Variants in ABCA9 observed in about 807,000 individuals in gnomAD.
ABCA9 encodes the protein ATP binding cassette subfamily A member 9, also known as ATP-binding cassette sub-family A member 9.
ABCA9 carries 183 observed loss-of-function variants against 205.3 expected under a neutral mutation model. The observed-to-expected ratio is 0.89, with a 90% CI of 0.79 to 1.01. The LOEUF (loss-of-function observed/expected upper bound fraction) is 1.01, where lower values mean the gene tolerates loss of function less well. ABCA9 is among the 50% of genes least tolerant of loss of function. ABCA9 has a pLI of 0.00. For missense variants in ABCA9, 1,805 were observed against 1,912.4 expected (o/e 0.94, Z 1.05); for synonymous variants, 651 against 683.3 (o/e 0.95, Z 0.74).
Position 69,018,537 on chromosome 17 carries a change from T to G in ABCA9, c.2643A>C (p.Glu881Asp). ...FGISFIPQLL[E>D]HLFYESYQKS... ...TCTGATATGACTCGTAGAATAGATG[T>G]TCCAAAAGTTGAGGGATAAAGCTAA... The change falls in exon 20 of 39, where the codon GAA (glutamate) becomes GAC (aspartate). Residue 881 changes from glutamate (E) to aspartate (D), a missense_variant. Glu to Asp is a conservative substitution (Grantham distance 45, BLOSUM62 2). Transcript: ENST00000340001. 1 of 1,603,602 alleles carries G rather than the reference T, an allele frequency of 6.2e-7. No individual in the cohort carries two copies. Among genetic ancestry groups the G allele is most frequent in the Non-Finnish European group, 8.5e-7 (1 of 1,176,352 alleles).
chr17:69,032,128 G>A lies in ABCA9; in HGVS notation c.1425C>T (p.Phe475=). The change falls in exon 10 of 39, where the codon TTC becomes TTT. Residue 475 remains phenylalanine, a synonymous_variant. Coordinates refer to ENST00000340001, the MANE Select transcript of ABCA9 (RefSeq NM_080283.4). ...GTTACCTGATGGCTTCTTTCCCACA[G>A]AATTCTGGAGACACTGGTTCAAAAC... ...NDCFEPVSPE[F]CGKEAIRIKN... 6.2e-7 allele frequency: 1 copy of A among 1,611,242 alleles called. No homozygotes were observed. The highest frequency in any genetic ancestry group is 2.2e-5 in the East Asian group (1 of 44,854).
chr17:69,021,783 A>C lies in ABCA9; in HGVS notation c.2360T>G (p.Val787Gly). Residue 787 changes from valine (V) to glycine (G), a missense_variant, in exon 18 of 39, where the codon GTG (valine) becomes GGG (glycine). Physicochemically the swap from Val to Gly is moderately radical, Grantham distance 109. Transcript: ENST00000340001. The part of the protein sequence containing the change: ...YGVSITTLNE[V>G]FLKLEGKSTI... The stretch of plus-strand genomic sequence containing the variant: ...TGATTTTCCTTCTAATTTCAGAAAC[A>C]CCTCATTCAAAGTTGTTATGGAAAC... 6.3e-7 allele frequency: 1 copy of C among 1,594,292 alleles called. No individual in the cohort carries two copies. The highest frequency in any genetic ancestry group is 1.1e-5 in the South Asian group (1 of 88,120).
Position 68,975,691 on chromosome 17 carries a change from G to T in ABCA9, c.*224C>A. 1 of 428,160 alleles carries T rather than the reference G, an allele frequency of 2.3e-6. No homozygotes were observed. The highest frequency in any genetic ancestry group is 4.2e-6 in the Non-Finnish European group (1 of 238,262). The allele number at this position is 428,160 out of a possible 1,614,324, so 26.5% of individuals were successfully genotyped here. ...TAACACAGTAGGAAACATGGGATTT[G>T]GTTGCTGGCACAAAGGCTGCATGGT... On this transcript the variant is annotated 3_prime_UTR_variant, in exon 39 of 39. Transcript: ENST00000340001.
chr17:69,006,485 G>A (rs528506497), intron 25 of ABCA9, among the ~76,000 whole-genome samples: 1 of 152,318 alleles, frequency 6.6e-6, no homozygotes, highest in African/African-American at 2.4e-5. Flanking sequence ...GTTATCAAAT[G>A]CAACAGCATG....
At chr17:68,983,985 G>T in intron 35 of ABCA9, 71 bp downstream of exon 35, 1 of 1,604,964 alleles carries the variant, frequency 6.2e-7, no homozygotes, top group Non-Finnish European at 8.5e-7. Context: ...TGGGTAGCCT[G>T]GTGCAGGGAA....
chr17:68,976,478 C>T (rs745767343), intron 37 of ABCA9, among the ~76,000 whole-genome samples: 2 of 152,170 alleles, frequency 1.3e-5, no homozygotes, highest in African/African-American at 2.4e-5. Flanking sequence ...CTGTGCTAGA[C>T]GATGACCACG....
intron 31 of ABCA9, 154 bp from the exon 32 acceptor site, chr17:68,986,478 T>C (rs1438090951): frequency 8.9e-6 from 6 of 677,594 alleles, no homozygotes; most frequent in Admixed American, 3.8e-5. Context: ...GGGGAAAAGG[T>C]GGTAAAAGCC....
intron 6 of ABCA9, among the ~76,000 whole-genome samples, chr17:69,037,809 A>G (rs1282808379): frequency 6.6e-6 from 1 of 152,164 alleles, no homozygotes; most frequent in Non-Finnish European, 1.5e-5. Flanking sequence ...AACAAAATAG[A>G]TAGACTTCTA....
At chr17:68,995,089 A>G (rs1287182540) in intron 26 of ABCA9, among the ~76,000 whole-genome samples, 3 of 152,210 alleles carry the variant, frequency 2.0e-5, no homozygotes, top group Admixed American at 6.5e-5. Flanking sequence ...AAGCTCACCA[A>G]TGACGTTCGT....
In ABCA9 at chr17:69,045,316, G is replaced by A; in HGVS notation, c.325C>T (p.Pro109Ser). The change falls in exon 4 of 39, where the codon CCT becomes TCT. Residue 109 changes from proline (P) to serine (S), a missense_variant. Coordinates refer to ENST00000340001, the MANE Select transcript of ABCA9 (RefSeq NM_080283.4). ...FLKGRTIMGW[P>S]DEKSMDELDL... The stretch of plus-strand genomic sequence containing the variant: ...AATTCATCCATGCTTTTTTCATCAG[G>A]CCACCCCATGATTGTTCTTCCTGCC... 2 of 1,610,466 alleles carry A rather than the reference G, an allele frequency of 1.2e-6. No homozygotes were observed. The highest frequency in any genetic ancestry group is 2.2e-5 in the East Asian group (1 of 44,736).
At chr17:69,065,007 T>C (rs1306621330), upstream of ABCA9, among the ~76,000 whole-genome samples, 1 of 152,262 alleles carries the variant, frequency 6.6e-6, no homozygotes, top group Non-Finnish European at 1.5e-5. Context: ...GTTATTGCTT[T>C]CTCATCCAGA....
chr17:69,074,208 C>T, the ABCA9 span, among the ~76,000 whole-genome samples: 1 of 151,932 alleles, frequency 6.6e-6, no homozygotes. Flanking sequence ...ATATTTTTCT[C>T]TATTATACAA....
rs573785477 is a variant in ABCA9 at position 69,015,963 on chromosome 17, T to C, written c.3039+290A>G. Among the ~76,000 whole-genome samples the C allele has an allele frequency of 2.9e-4, 30 of 104,808 alleles. No homozygotes were observed. In the South Asian group the frequency reaches 8.8e-3, roughly 31 times the overall value. 68.8% of individuals were successfully genotyped at this position (104,808 alleles called of 152,430 possible). On this transcript the variant is annotated intron_variant, in intron 22 of 38. Coordinates refer to ENST00000340001, the MANE Select transcript of ABCA9 (RefSeq NM_080283.4). Reference sequence around the variant, plus strand: ...AAGGTTATAATATTGTGTGGTCAATTCTAAATTGTGTGTGTGTGTGTGTGT... The same window carrying C: ...AAGGTTATAATATTGTGTGGTCAATCCTAAATTGTGTGTGTGTGTGTGTGT...
chr17:69,052,488 A>C (rs1398079208), intron 1 of ABCA9, among the ~76,000 whole-genome samples: 4 of 152,214 alleles, frequency 2.6e-5, no homozygotes, highest in Non-Finnish European at 5.9e-5. Flanking sequence ...TGCAATTATT[A>C]GACTAGGAAT....
chr17:69,041,686 G>T (rs1391259124), intron 6 of ABCA9, among the ~76,000 whole-genome samples: 1 of 145,092 alleles, frequency 6.9e-6, no homozygotes, highest in Non-Finnish European at 1.5e-5. Context: ...CCTGGGTGAC[G>T]GAGCAAGACT....
rs1207950698 is a variant in ABCA9 at position 68,974,606 on chromosome 17, G to A, written c.*1309C>T. ...ATTCAATTAGATAGCAATAATAATA[G>A]TATTAACAAGAAAAACTCACCTAAA... is the stretch of plus-strand genomic sequence containing the variant. On this transcript the variant is annotated 3_prime_UTR_variant, in exon 39 of 39. Transcript: ENST00000340001. 1 of 152,060 alleles carries A rather than the reference G, an allele frequency of 6.6e-6. No individual in the cohort carries two copies. Among genetic ancestry groups the A allele is most frequent in the African/African-American group, 2.4e-5 (1 of 41,412 alleles). 9.4% of individuals were successfully genotyped at this position (152,060 alleles called of 1,614,324 possible).
At chr17:69,006,186 C>T (rs2070120037) in intron 25 of ABCA9, among the ~76,000 whole-genome samples, 1 of 152,204 alleles carries the variant, frequency 6.6e-6, no homozygotes, top group African/African-American at 2.4e-5. Context: ...AATTCTCATA[C>T]TCTGTGGGTG....
chr17:69,002,730 CATT>C (rs1410993936), intron 25 of ABCA9, among the ~76,000 whole-genome samples: 87 of 145,132 alleles, frequency 6.0e-4, no homozygotes, highest in African/African-American at 2.1e-3. Flanking sequence ...TAAAGTCTCC[CATT>C]ATTATTGTGT....
At chr17:68,981,859 A>C (rs918316711) in intron 37 of ABCA9, among the ~76,000 whole-genome samples, 1 of 150,762 alleles carries the variant, frequency 6.6e-6, no homozygotes, top group African/African-American at 2.4e-5. Context: ...AAAAAAAAAA[A>C]AGCTAGGATG....
Sources: gnomAD v4.1 joint callset for allele counts (sites outside exome capture counted in the v4.1 genomes callset) on GRCh38, gnomAD v4.1.1 for gene constraint, MANE v1.5 for transcripts, NCBI Gene and HGNC (gene_info 2026-07-23, HGNC 2026-07-21) for gene names.